ADGRL2: variants seen among roughly 807,000 people sequenced by gnomAD.
The protein encoded by ADGRL2 is calcium-independent alpha-latrotoxin receptor 2.
In ADGRL2, 44 loss-of-function variants were observed where a neutral mutation model predicts 157.4. That is an observed-to-expected ratio of 0.28 (90% CI 0.22 to 0.36). ADGRL2 has a LOEUF of 0.36. ADGRL2 is among the 10% of genes least tolerant of loss of function. The probability of loss-of-function intolerance (pLI) is 1.00; values close to 1 mark genes in which losing one functional copy is unlikely to be tolerated. For synonymous variants in ADGRL2, 585 were observed against 624.7 expected (o/e 0.94, Z 0.95); for missense variants, 1,510 against 1,768.9 (o/e 0.85, Z 2.63).
intron 1 of ADGRL2, among the ~76,000 whole-genome samples, chr1:81,314,972 T>C (rs1417752293): frequency 1.3e-5 from 2 of 152,216 alleles, no homozygotes; most frequent in African/African-American, 4.8e-5. Flanking sequence ...CATTTGGTCT[T>C]TGCAACTCTT....
intron 2 of ADGRL2, among the ~76,000 whole-genome samples, chr1:81,563,867 A>G (rs567976908): frequency 6.6e-6 from 1 of 152,314 alleles, no homozygotes; most frequent in African/African-American, 2.4e-5. Flanking sequence ...GTCATAGTTA[A>G]CACTTTCTAA....
rs543631399 is a variant in ADGRL2, at chr1:81,421,804, C to T, written c.-301-23232C>T. ...CAATTAGTTGCCTCTTTTTGGCATA[C>T]AACAGACTGCATTCAAAATTTGGGA... On this transcript the variant is annotated intron_variant, in intron 1 of 24. Coordinates refer to the ADGRL2 transcript ENST00000370721. Among the ~76,000 whole-genome samples the T allele has an allele frequency of 5.9e-5, 9 of 151,954 alleles. No individual in the cohort carries two copies. In the East Asian group the frequency reaches 1.5e-3, roughly 26 times the overall value.
At position 81,782,535 on chromosome 1, in the gene ADGRL2, T is replaced by C. The variant is rs11806500; in HGVS notation, c.-101+20683T>C. 6.4e-3 allele frequency among the ~76,000 whole-genome samples: 972 copies of C among 152,312 alleles called. 14 individuals are homozygous for C. The highest frequency in any genetic ancestry group is 0.022 in the African/African-American group (928 of 41,572). On this transcript the variant is annotated intron_variant, in intron 2 of 20. Coordinates refer to the ADGRL2 transcript ENST00000359929. ...TTACACCCAGTGAGCCTATTCTCTG[T>C]CTCTTCAAAGTTTACCATTTTTCCT...
intron 3 of ADGRL2, among the ~76,000 whole-genome samples, chr1:81,623,615 A>T (rs2081844026): frequency 6.6e-6 from 1 of 150,648 alleles, no homozygotes; most frequent in African/African-American, 2.4e-5. Flanking sequence ...TGGGCCCTAA[A>T]TCCAATGACT....
At chr1:81,853,903 G>C (rs1453284916) in intron 2 of ADGRL2, among the ~76,000 whole-genome samples, 1 of 152,036 alleles carries the variant, frequency 6.6e-6, no homozygotes. Flanking sequence ...TGAGCAGTAT[G>C]CTCAAATTGA....
intron 1 of ADGRL2, among the ~76,000 whole-genome samples, chr1:81,336,381 T>C (rs1417666542): frequency 6.6e-6 from 1 of 152,156 alleles, no homozygotes; most frequent in Non-Finnish European, 1.5e-5. Flanking sequence ...TGATGAGGAA[T>C]AGTTTTCTAG....
chr1:81,622,367 G>A (rs1157888967), intron 3 of ADGRL2, among the ~76,000 whole-genome samples: 2 of 152,092 alleles, frequency 1.3e-5, no homozygotes, highest in South Asian at 2.1e-4. Context: ...CGGATCACAA[G>A]GTCAAGAGAT....
intron 2 of ADGRL2, among the ~76,000 whole-genome samples, chr1:81,870,911 CT>C (rs35850191): frequency 3.7e-3 from 503 of 137,660 alleles, no homozygotes; most frequent in African/African-American, 0.011. Flanking sequence ...TTAATCTTTC[CT>C]TTTTTTTTTT....
chr1:81,466,565 A>G (rs2101838599), intron 2 of ADGRL2, among the ~76,000 whole-genome samples: 1 of 152,258 alleles, frequency 6.6e-6, no homozygotes, highest in Non-Finnish European at 1.5e-5. Flanking sequence ...TTAAACCTGG[A>G]GTTTGTCTAA....
chr1:81,385,398 G>A (rs2076417856), intron 1 of ADGRL2, among the ~76,000 whole-genome samples: 1 of 152,024 alleles, frequency 6.6e-6, no homozygotes, highest in African/African-American at 2.4e-5. Context: ...TCATATTACT[G>A]CATTTGTGAA....
At chr1:81,895,718 A>C (rs1194422380) in intron 2 of ADGRL2, among the ~76,000 whole-genome samples, 1 of 152,138 alleles carries the variant, frequency 6.6e-6, no homozygotes, top group African/African-American at 2.4e-5. Context: ...TTAAAAAGGA[A>C]ATTTTGGTTA....
At chr1:81,676,137 G>C (rs2082983477) in intron 3 of ADGRL2, among the ~76,000 whole-genome samples, 1 of 152,064 alleles carries the variant, frequency 6.6e-6, no homozygotes, top group Admixed American at 6.6e-5. Flanking sequence ...GAGTAGCTGG[G>C]ATTACTGGCA....
chr1:81,619,283 T>TG (rs2081736315), intron 3 of ADGRL2, among the ~76,000 whole-genome samples: 1 of 152,278 alleles, frequency 6.6e-6, no homozygotes, highest in East Asian at 1.9e-4. Flanking sequence ...GGCTTTTTTT[T>TG]TTTTTTAAGG....
At chr1:81,978,399 C>T (rs1572482843) in intron 17 of ADGRL2, among the ~76,000 whole-genome samples, 1 of 151,802 alleles carries the variant, frequency 6.6e-6, no homozygotes, top group African/African-American at 2.4e-5. Context: ...TACTTTTTCT[C>T]TAGATGTATT....
intron 1 of ADGRL2, among the ~76,000 whole-genome samples, chr1:81,818,247 G>T (rs542780803): frequency 3.0e-4 from 45 of 152,222 alleles, no homozygotes; most frequent in Non-Finnish European, 5.1e-4. Flanking sequence ...TCATATGTGG[G>T]TACAATCTCT....
At chr1:81,505,600 C>T (rs1222002025) in intron 2 of ADGRL2, among the ~76,000 whole-genome samples, 1 of 150,980 alleles carries the variant, frequency 6.6e-6, no homozygotes, top group Non-Finnish European at 1.5e-5. Flanking sequence ...TTGGCCCAAG[C>T]AGAGCTTCCC....
intron 2 of ADGRL2, among the ~76,000 whole-genome samples, chr1:81,525,453 G>A (rs1186935102): frequency 6.6e-6 from 1 of 152,176 alleles, no homozygotes; most frequent in Non-Finnish European, 1.5e-5. Flanking sequence ...GAACAGCTGG[G>A]ATTGCAGGCG....
At chr1:81,427,445 A>G (rs773613123) in intron 1 of ADGRL2, 6 of 752,968 alleles carry the variant, frequency 8.0e-6, no homozygotes, top group Admixed American at 6.8e-5. Context: ...GGTGGTGGTA[A>G]CTGTGGTGGT....
chr1:81,984,842 A>G lies in ADGRL2; in HGVS notation c.3411+131A>G, dbSNP rs558115230. ...GATAGCAAATACTTGCTTTTTTAGT[A>G]TTTTGGTTTCAATGTCTTCTTAAAC... On this transcript the variant is annotated intron_variant, in intron 20 of 23. Coordinates refer to ENST00000686636, the MANE Select transcript of ADGRL2 (RefSeq NM_001366006.2). 3.4e-5 allele frequency: 36 copies of G among 1,066,390 alleles called. No homozygotes were observed. The African/African-American group carries it at 5.5e-4, about 16-fold the overall frequency. 66.1% of individuals were successfully genotyped at this position (1,066,390 alleles called of 1,614,324 possible).
Sources: allele counts gnomAD v4.1 joint callset (sites outside exome capture counted in the v4.1 genomes callset), GRCh38; gene constraint gnomAD v4.1.1; transcripts MANE v1.5; gene names NCBI Gene and HGNC (gene_info 2026-07-23, HGNC 2026-07-21).